AGBL1: variants seen among roughly 807,000 people sequenced by gnomAD.
AGBL1 encodes the protein AGBL carboxypeptidase 1, also known as cytosolic carboxypeptidase 4.
In AGBL1, 130 loss-of-function variants were observed where a neutral mutation model predicts 118.9. That is an observed-to-expected ratio of 1.09 (90% confidence interval 0.95 to 1.26). AGBL1 has a LOEUF of 1.26. AGBL1 is among the 50% of genes most tolerant of loss of function. The probability of loss-of-function intolerance (pLI) is 0.00; values close to 1 mark genes in which losing one functional copy is unlikely to be tolerated. For missense variants in AGBL1, 1,584 were observed against 1,298.1 expected, an observed-to-expected ratio of 1.22 and a Z score of -3.38; for synonymous variants, 555 against 478.9, an observed-to-expected ratio of 1.16 and a Z score of -2.08.
chr15:86,386,716 C>T (rs1004066643), intron 17 of AGBL1, among the ~76,000 whole-genome samples: 1 of 152,062 alleles, frequency 6.6e-6, no homozygotes, highest in Non-Finnish European at 1.5e-5. Flanking sequence ...TAAGTAAATA[C>T]CCACTAATGC....
At chr15:86,119,288 C>T (rs182007136) in intron 1 of AGBL1, among the ~76,000 whole-genome samples, 3 of 152,112 alleles carry the variant, frequency 2.0e-5, no homozygotes, top group Non-Finnish European at 4.4e-5. Flanking sequence ...CCTGAGTGAA[C>T]TGGAACCAGT....
intron 5 of AGBL1, among the ~76,000 whole-genome samples, chr15:86,221,116 C>T (rs773912579): frequency 5.9e-5 from 9 of 151,906 alleles, no homozygotes. Context: ...GAGACTCACT[C>T]GAACCCAAGA....
At chr15:86,265,352 G>A (rs1223245658) in intron 11 of AGBL1, among the ~76,000 whole-genome samples, 1 of 152,190 alleles carries the variant, frequency 6.6e-6, no homozygotes, top group South Asian at 2.1e-4. Flanking sequence ...CTGGCGGGGA[G>A]TTGATGGAAG....
rs527292847 is a variant in AGBL1 at position 86,735,142 on chromosome 15, C to T, written c.3158+60706C>T. On this transcript the variant is annotated intron_variant, in intron 22 of 22. Transcript: ENST00000614907. ...TGTCACGTAGGCTGGAGTGCAGTGG[C>T]GCGATCTTGGCTCACTACAACCTCC... Among the ~76,000 whole-genome samples, 13 of 152,062 alleles carry T rather than the reference C, an allele frequency of 8.5e-5. No homozygotes were observed. In the East Asian group the frequency reaches 1.6e-3, roughly 18 times the overall value.
intron 19 of AGBL1, among the ~76,000 whole-genome samples, chr15:86,543,268 A>C (rs2083529967): frequency 6.6e-6 from 1 of 152,126 alleles, no homozygotes. Context: ...CTTCCTCTCT[A>C]CTACAAGGAC....
intron 22 of AGBL1, among the ~76,000 whole-genome samples, chr15:86,715,434 C>T (rs985511746): frequency 6.6e-6 from 1 of 152,036 alleles, no homozygotes; most frequent in African/African-American, 2.4e-5. Context: ...TATTTAATAC[C>T]AAGAAATAAG....
At chr15:86,767,067 A>G (rs2078106775) in intron 22 of AGBL1, among the ~76,000 whole-genome samples, 1 of 152,036 alleles carries the variant, frequency 6.6e-6, no homozygotes, top group African/African-American at 2.4e-5. Flanking sequence ...TGAGGTATTC[A>G]GTTGTGTTTA....
downstream of AGBL1, among the ~76,000 whole-genome samples, chr15:87,030,876 G>A (rs1329152117): frequency 6.6e-6 from 1 of 151,802 alleles, no homozygotes; most frequent in Non-Finnish European, 1.5e-5. Flanking sequence ...CTCTCACCCA[G>A]TCCATACAAG....
chr15:86,451,177 C>T (rs969291967), intron 18 of AGBL1, among the ~76,000 whole-genome samples: 2 of 150,886 alleles, frequency 1.3e-5, no homozygotes, highest in Non-Finnish European at 2.9e-5. Context: ...CTTTCTTTCC[C>T]ACCCACTAAA....
chr15:86,453,006 C>T (rs2082214786), intron 18 of AGBL1, among the ~76,000 whole-genome samples: 1 of 152,116 alleles, frequency 6.6e-6, no homozygotes, highest in Non-Finnish European at 1.5e-5. Context: ...TATGCCTTAC[C>T]CTTCTTAATC....
chr15:86,870,469 AAAAAAAAAAAAAAAAAAAAAAAAAAAAG>A (rs1166758603), intron 22 of AGBL1, among the ~76,000 whole-genome samples: 4 of 33,076 alleles, frequency 1.2e-4, no homozygotes, highest in African/African-American at 1.6e-4. Flanking sequence ...AAAAAAAAAA[AAAAAAAAAAAAAAAAAAAAAAAAAAAAG>A]AAGAAACAAA....
intron 5 of AGBL1, among the ~76,000 whole-genome samples, chr15:86,169,291 C>T (rs530401345): frequency 3.3e-5 from 5 of 152,310 alleles, no homozygotes; most frequent in African/African-American, 1.2e-4. Context: ...GATATGCAAG[C>T]GTACTTATAG....
At chr15:86,154,365 G>A (rs7161846) in intron 3 of AGBL1, 65 bp from the exon 4 acceptor site, 4 of 1,546,466 alleles carry the variant, frequency 2.6e-6, no homozygotes, top group Non-Finnish European at 2.6e-6. Context: ...TTCCTCCACT[G>A]TACTCATTGT....
intron 18 of AGBL1, among the ~76,000 whole-genome samples, chr15:86,484,555 G>C (rs2082690898): frequency 6.6e-6 from 1 of 152,124 alleles, no homozygotes; most frequent in Non-Finnish European, 1.5e-5. Flanking sequence ...CTTTAAGGAA[G>C]CATGTGTTAA....
chr15:86,126,907 G>C (rs546820300), intron 1 of AGBL1, among the ~76,000 whole-genome samples: 1 of 152,340 alleles, frequency 6.6e-6, no homozygotes, highest in African/African-American at 2.4e-5. Context: ...CTTTGAAGAT[G>C]AGATTTGCTG....
chr15:86,417,170 C>T (rs1285504671), intron 18 of AGBL1, among the ~76,000 whole-genome samples: 1 of 152,218 alleles, frequency 6.6e-6, no homozygotes, highest in Non-Finnish European at 1.5e-5. Context: ...CTCATGTGAA[C>T]TTATTTCATT....
intron 24 of AGBL1, among the ~76,000 whole-genome samples, chr15:87,010,982 G>A (rs546430755): frequency 6.6e-6 from 1 of 152,306 alleles, no homozygotes; most frequent in South Asian, 2.1e-4. Context: ...ATGTAGCAGA[G>A]TCTGGCTAAA....
At chr15:86,247,072 C>T (rs1346426161) in intron 6 of AGBL1, among the ~76,000 whole-genome samples, 4 of 152,184 alleles carry the variant, frequency 2.6e-5, no homozygotes, top group Non-Finnish European at 5.9e-5. Context: ...TATTCTCTTA[C>T]ATAACCCCAG....
At chr15:86,192,633 C>T (rs2077741146) in intron 5 of AGBL1, among the ~76,000 whole-genome samples, 1 of 152,096 alleles carries the variant, frequency 6.6e-6, no homozygotes, top group Non-Finnish European at 1.5e-5. Flanking sequence ...CATTTATATG[C>T]ATGGGTATTT....
Sources: allele counts gnomAD v4.1 joint callset (sites outside exome capture counted in the v4.1 genomes callset), GRCh38; gene constraint gnomAD v4.1.1; transcripts MANE v1.5; gene names NCBI Gene and HGNC (gene_info 2026-07-23, HGNC 2026-07-21).